Variants in UNC79 observed in about 807,000 individuals in gnomAD.
UNC79 encodes protein unc-79 homolog.
In UNC79, 37 loss-of-function variants were observed where a neutral mutation model predicts 283.1. The ratio of observed to expected loss-of-function variants is 0.13; its 90% confidence interval spans 0.10 to 0.17. The LOEUF is 0.17. Among genes scored for constraint, UNC79 ranks in the 10% least tolerant of loss-of-function variants. The probability of loss-of-function intolerance (pLI) is 1.00; values close to 1 mark genes in which losing one functional copy is unlikely to be tolerated. For synonymous variants in UNC79, 1,107 were observed against 1,200.2 expected (o/e 0.92, Z 1.61); for missense variants, 2,272 against 3,211.1 (o/e 0.71, Z 7.07).
chr14:93,527,976 GAA>G (rs35372771), intron 8 of UNC79, among the ~76,000 whole-genome samples: 19 of 137,504 alleles, frequency 1.4e-4, no homozygotes, highest in East Asian at 6.1e-4. Context: ...TCATGTGTAG[GAA>G]AAAAAAAAAA....
intron 38 of UNC79, 118 bp from the exon 42 acceptor site, chr14:93,659,075 G>T (rs1382743954): frequency 7.1e-6 from 5 of 707,628 alleles, no homozygotes; most frequent in African/African-American, 1.8e-5. Flanking sequence ...AATCTGTTGA[G>T]ATGCAGTCAT....
At position 93,621,917 on chromosome 14, in the gene UNC79, C is replaced by T; in HGVS notation, c.4684C>T (p.Pro1562Ser). 6.2e-7 allele frequency: 1 copy of T among 1,613,982 alleles called. No homozygotes were observed. Among genetic ancestry groups the T allele is most frequent in the South Asian group, 1.1e-5 (1 of 91,064 alleles). ...TACGAGGCCTGACAATAGTGAAATC[C>T]CCGAGAACCCAGCTATGGAAGGGTT... The change falls in exon 30 of 49, where the codon CCC (proline) becomes TCC (serine). Residue 1562 changes from proline to serine, a missense_variant. Physicochemically the swap from Pro to Ser is moderately conservative, Grantham distance 74. Around this residue, in one of 11 missense-constraint regions of UNC79, gnomAD observed 580 missense variants for 632.2 expected, o/e 0.92. Transcript: ENST00000555664. This position sits in a 1 kb window ranked among gnomAD's most constrained non-coding sequence, Gnocchi z 4.8.
chr14:93,441,720 A>G (rs1427102254), intron 1 of UNC79, among the ~76,000 whole-genome samples: 1 of 152,172 alleles, frequency 6.6e-6, no homozygotes, highest in African/African-American at 2.4e-5. Flanking sequence ...TACCCATTAG[A>G]CAATCATATC....
At chr14:93,622,580 G>A in exon 30 of UNC79, 1 of 1,614,098 alleles carries the variant, frequency 6.2e-7, no homozygotes, top group Middle Eastern at 1.6e-4. Flanking sequence ...AAGTTCAGGG[G>A]CAAAAACCGT....
chr14:93,437,111 T>A (rs994577033), intron 1 of UNC79, among the ~76,000 whole-genome samples: 1 of 152,132 alleles, frequency 6.6e-6, no homozygotes, highest in Admixed American at 6.6e-5. Flanking sequence ...ACATATACAT[T>A]TATGTATATG....
intron 40 of UNC79, among the ~76,000 whole-genome samples, chr14:93,670,858 T>A (rs999238623): frequency 1.8e-4 from 27 of 152,164 alleles, no homozygotes; most frequent in Admixed American, 1.8e-3. Context: ...AAAGAATCAG[T>A]TTGGGAGAGT....
exon 43 of UNC79, chr14:93,686,573 G>A (rs1425051261): frequency 6.2e-7 from 1 of 1,614,128 alleles, no homozygotes; most frequent in East Asian, 2.2e-5. Flanking sequence ...GTGTTTCAGT[G>A]TGGGACTGCA....
intron 26 of UNC79, among the ~76,000 whole-genome samples, chr14:93,609,209 T>G (rs1314476657): frequency 6.6e-6 from 1 of 151,814 alleles, no homozygotes; most frequent in East Asian, 1.9e-4. Context: ...ACAAAATTGT[T>G]GGGGGAGGGT....
At position 93,438,075 on chromosome 14, in the gene UNC79, T is replaced by G. The variant is rs59488292; in HGVS notation, c.22+7024T>G. Among the ~76,000 whole-genome samples the G allele has an allele frequency of 4.1e-3, 620 of 152,320 alleles. 3 individuals are homozygous for G. Among genetic ancestry groups the G allele is most frequent in the African/African-American group, 0.014 (595 of 41,574 alleles). On this transcript the variant is annotated intron_variant, in intron 1 of 48. Coordinates refer to ENST00000555664, the Ensembl canonical transcript of UNC79. ...TCCAACATATTAGCTATTCTTCCAT[T>G]GGTTTTGTGTCAACTACCAAAACAA...
At chr14:93,415,955 T>A (rs1181670708) in intron 1 of UNC79, among the ~76,000 whole-genome samples, 5 of 152,348 alleles carry the variant, frequency 3.3e-5, no homozygotes, top group Non-Finnish European at 5.9e-5. Flanking sequence ...ATTTTGTTGA[T>A]CCTTTCAAAA....
Position 93,662,594 on chromosome 14 carries a change from C to G in UNC79, c.6526-10C>G. The G allele has an allele frequency of 6.3e-7, 1 of 1,587,816 alleles. No individual in the cohort carries two copies. The highest frequency in any genetic ancestry group is 8.6e-7 in the Non-Finnish European group (1 of 1,160,536). ...GCAATTGACTTTATTTGGCCCCAAT[C>G]TCATTGCAGAGTTTGTTGGAACCAT... On this transcript the variant is annotated splice_polypyrimidine_tract_variant and intron_variant, in intron 39 of 48. Transcript: ENST00000555664.
At chr14:93,684,361 G>A (rs2074079723) in intron 42 of UNC79, among the ~76,000 whole-genome samples, 1 of 152,120 alleles carries the variant, frequency 6.6e-6, no homozygotes, top group Non-Finnish European at 1.5e-5. Context: ...ATATGCACAT[G>A]TTTTATATTA....
At chr14:93,357,676 CAT>C (rs60284787) in intron 1 of UNC79, among the ~76,000 whole-genome samples, 1,704 of 32,180 alleles carry the variant, frequency 0.053, 38 homozygotes, top group Admixed American at 0.083. Context: ...AATAAACTCC[CAT>C]ATATATATAT....
intron 48 of UNC79, among the ~76,000 whole-genome samples, 197 bp downstream of exon 51, chr14:93,704,863 T>C (rs1345023703): frequency 1.3e-4 from 20 of 152,122 alleles, no homozygotes; most frequent in Non-Finnish European, 1.0e-4. Context: ...GGAACCATTG[T>C]CCTACTGCTT....
At chr14:93,383,948 C>T (rs2054716881) in intron 1 of UNC79, among the ~76,000 whole-genome samples, 1 of 152,162 alleles carries the variant, frequency 6.6e-6, no homozygotes, top group Non-Finnish European at 1.5e-5. Flanking sequence ...ATGTGACTTG[C>T]TCCTCCTTGC....
chr14:93,640,054 G>T (rs752139661), intron 32 of UNC79, among the ~76,000 whole-genome samples: 1 of 152,120 alleles, frequency 6.6e-6, no homozygotes, highest in Admixed American at 6.6e-5. Context: ...GTAGAACATG[G>T]CATTATTCTG....
intron 1 of UNC79, among the ~76,000 whole-genome samples, chr14:93,409,166 A>G (rs2055286078): frequency 6.6e-6 from 1 of 152,232 alleles, no homozygotes. Flanking sequence ...TATGTAGAAC[A>G]TTTTGGAGAA....
At chr14:93,380,009 A>G (rs1040313876) in intron 1 of UNC79, among the ~76,000 whole-genome samples, 1 of 152,156 alleles carries the variant, frequency 6.6e-6, no homozygotes, top group African/African-American at 2.4e-5. Flanking sequence ...ACCTCATAGT[A>G]TTGTGAGTCT....
chr14:93,657,647 G>A (rs575475033), intron 38 of UNC79, among the ~76,000 whole-genome samples: 6 of 152,288 alleles, frequency 3.9e-5, no homozygotes, highest in South Asian at 4.1e-4. Flanking sequence ...CAAAGCGCCC[G>A]GCTGAGGTAT....
Sources: gnomAD v4.1 joint callset for allele counts (sites outside exome capture counted in the v4.1 genomes callset) on GRCh38, gnomAD v4.1.1 for gene constraint, gnomAD v4.1.1 regional missense constraint, Gnocchi (gnomAD v3.1) non-coding constraint, MANE v1.5 for transcripts, NCBI Gene and HGNC (gene_info 2026-07-23, HGNC 2026-07-21) for gene names.